TTLL5: variants seen among roughly 807,000 people sequenced by gnomAD.
The protein encoded by TTLL5 is tubulin tyrosine ligase like 5, also known as tubulin polyglutamylase TTLL5.
A neutral mutation model predicts 168.4 loss-of-function variants in TTLL5; 132 were observed. The ratio of observed to expected loss-of-function variants is 0.78; its 90% CI spans 0.68 to 0.91. TTLL5 has a LOEUF of 0.91. Among genes scored for constraint, TTLL5 ranks in the 40% least tolerant of loss-of-function variants. The pLI is 0.00. For missense variants in TTLL5, 1,545 were observed against 1,581.5 expected, an observed-to-expected ratio of 0.98 and a Z score of 0.39; for synonymous variants, 546 against 558.6, an observed-to-expected ratio of 0.98 and a Z score of 0.32.
At chr14:75,707,834 A>C (rs1308726417) in intron 9 of TTLL5, 127 bp downstream of exon 9, 2 of 797,652 alleles carry the variant, frequency 2.5e-6, no homozygotes, top group African/African-American at 3.4e-5. Context: ...CTGCTTACAG[A>C]TGCAATCCAC....
At chr14:75,877,131 T>C (rs889474301) in intron 29 of TTLL5, among the ~76,000 whole-genome samples, 1 of 152,144 alleles carries the variant, frequency 6.6e-6, no homozygotes, top group African/African-American at 2.4e-5. Flanking sequence ...CCTACTCAAA[T>C]AGAGAGTAGC....
intron 18 of TTLL5, among the ~76,000 whole-genome samples, chr14:75,758,897 AATT>A (rs1237358345): frequency 1.3e-5 from 2 of 152,186 alleles, no homozygotes; most frequent in Admixed American, 6.5e-5. Context: ...CTTTGGGGGA[AATT>A]ATAAGTTTAA....
intron 3 of TTLL5, among the ~76,000 whole-genome samples, chr14:75,670,093 ATTCC>A (rs1883614008): frequency 6.6e-6 from 1 of 152,082 alleles, no homozygotes; most frequent in African/African-American, 2.4e-5. Context: ...TCAGTCCTTT[ATTCC>A]TTTTTATAGC....
rs186293028 is a variant in TTLL5, at chr14:75,891,999, A to G, written c.3740+9097A>G. Among the ~76,000 whole-genome samples the G allele has an allele frequency of 3.3e-5, 5 of 152,344 alleles. No individual in the cohort carries two copies. In the East Asian group the frequency reaches 9.6e-4, roughly 29 times the overall value. ...CTGCTCTTGTTTCCTACTAAAAGAA[A>G]TCACATTTGTTTTGTTGGTAGGTTG... On this transcript the variant is annotated intron_variant, in intron 30 of 31. Coordinates refer to ENST00000298832, the MANE Select transcript of TTLL5 (RefSeq NM_015072.5).
intron 2 of TTLL5, among the ~76,000 whole-genome samples, chr14:75,664,339 A>G (rs1883098881): frequency 6.6e-6 from 1 of 152,168 alleles, no homozygotes; most frequent in African/African-American, 2.4e-5. Flanking sequence ...CACAGAGTAA[A>G]GAGAGAATCT....
Position 75,664,877 on chromosome 14 carries a change from T to G in TTLL5, c.74+1654T>G, listed in dbSNP as rs543664640. 1.2e-4 allele frequency among the ~76,000 whole-genome samples: 18 copies of G among 152,328 alleles called. No individual in the cohort carries two copies. In the South Asian group the frequency reaches 3.1e-3, roughly 26 times the overall value. On this transcript the variant is annotated intron_variant, in intron 2 of 31. Coordinates refer to ENST00000298832, the MANE Select transcript of TTLL5 (RefSeq NM_015072.5). Reference sequence around the variant, plus strand: ...CATTACTGTCTCTCTTATTAGTGGGTTTACAGATTGGGCCTGACAAATGTT... The same window carrying G: ...CATTACTGTCTCTCTTATTAGTGGGGTTACAGATTGGGCCTGACAAATGTT...
rs192944794 is a variant in TTLL5 at position 75,871,724 on chromosome 14, T to C, written c.3522+7862T>C. On this transcript the variant is annotated intron_variant, in intron 29 of 31. Coordinates refer to ENST00000298832, the MANE Select transcript of TTLL5 (RefSeq NM_015072.5). The stretch of plus-strand genomic sequence containing the variant: ...TATGAGGGACTCCCAGCAGTAACTT[T>C]GTGTGAGATGATGAAAGACTTCAAT... Among the ~76,000 whole-genome samples the C allele has an allele frequency of 6.5e-4, 99 of 152,302 alleles. 3 individuals carry two copies. The highest frequency in any genetic ancestry group is 6.5e-3 in the Admixed American group (99 of 15,296).
chr14:75,866,570 A>G (rs1241377052), intron 29 of TTLL5, among the ~76,000 whole-genome samples: 2 of 152,200 alleles, frequency 1.3e-5, no homozygotes, highest in Non-Finnish European at 2.9e-5. Context: ...TCACATAGTA[A>G]TCTCCTAATA....
chr14:75,898,595 T>C (rs2032780164), intron 30 of TTLL5, among the ~76,000 whole-genome samples: 1 of 152,156 alleles, frequency 6.6e-6, no homozygotes, highest in South Asian at 2.1e-4. Context: ...TGAGCTGTGA[T>C]TGTGCCACTA....
chr14:75,700,077 C>A (rs1886154672), intron 7 of TTLL5, among the ~76,000 whole-genome samples: 1 of 152,100 alleles, frequency 6.6e-6, no homozygotes. Context: ...GATTCAGTTT[C>A]TTTATTTTAT....
intron 29 of TTLL5, among the ~76,000 whole-genome samples, chr14:75,874,770 T>C (rs1224789615): frequency 6.6e-6 from 1 of 152,118 alleles, no homozygotes; most frequent in Non-Finnish European, 1.5e-5. Context: ...ACAACACTAT[T>C]CTTAAAAAGC....
At chr14:75,863,072 C>T (rs1191570384) in intron 28 of TTLL5, among the ~76,000 whole-genome samples, 1 of 152,186 alleles carries the variant, frequency 6.6e-6, no homozygotes, top group Non-Finnish European at 1.5e-5. Context: ...TACAGATTGT[C>T]AGCCTCAGTG....
Position 75,775,622 on chromosome 14 carries a change from T to A in TTLL5, c.2275T>A (p.Tyr759Asn). The change falls in exon 22 of 32, where the codon TAC becomes AAC. Residue 759 changes from tyrosine (Y) to asparagine (N), a missense_variant. Physicochemically the swap from Tyr to Asn is moderately radical, Grantham distance 143 (BLOSUM62 -2). Coordinates refer to ENST00000298832, the MANE Select transcript of TTLL5 (RefSeq NM_015072.5). Reference protein sequence around the residue: ...AHQLGDFIIVYNKETEQMAEK... With the variant: ...AHQLGDFIIVNNKETEQMAEK... Reference sequence around the variant, plus strand: ...CCAGCTGGGTGACTTTATCATTGTATACAACAAGGTAAGTCTTTTTCTGTT... The same window carrying A: ...CCAGCTGGGTGACTTTATCATTGTAAACAACAAGGTAAGTCTTTTTCTGTT... 1 of 1,614,064 alleles carries A rather than the reference T, an allele frequency of 6.2e-7. No individual in the cohort carries two copies. Among genetic ancestry groups the A allele is most frequent in the Non-Finnish European group, 8.5e-7 (1 of 1,179,938 alleles).
rs766256432 is a variant in TTLL5, at chr14:75,783,174, C to T, written c.2630C>T (p.Ala877Val). The change falls in exon 26 of 32, where the codon GCA becomes GTA. Residue 877 changes from alanine (A) to valine (V), a missense_variant. Physicochemically the swap from Ala to Val is moderately conservative, Grantham distance 64. Coordinates refer to ENST00000298832, the MANE Select transcript of TTLL5 (RefSeq NM_015072.5). ...TTTACCACTTCAGCAGAAAAAGAGG[C>T]AAAATTAGTTTATAGCAATTCCTCC... is the stretch of plus-strand genomic sequence containing the variant. The part of the protein sequence containing the change: ...SRFTTSAEKE[A>V]KLVYSNSSSG... 3 of 1,611,704 alleles carry T rather than the reference C, an allele frequency of 1.9e-6. No individual in the cohort carries two copies. The highest frequency in any genetic ancestry group is 2.2e-5 in the South Asian group (2 of 90,874).
Position 75,949,284 on chromosome 14 carries a change from G to A in TTLL5, c.3824-5140G>A, listed in dbSNP as rs1202740551. On this transcript the variant is annotated intron_variant, in intron 31 of 31. Coordinates refer to ENST00000298832, the MANE Select transcript of TTLL5 (RefSeq NM_015072.5). ...TAGGAATAAATCTAACAAAAGATAC[G>A]TAAGACCTGTGATAAAATATGTATA... Among the ~76,000 whole-genome samples the A allele has an allele frequency of 4.0e-5, 6 of 151,250 alleles. No individual in the cohort carries two copies. In the East Asian group the frequency reaches 9.7e-4, roughly 24 times the overall value.
At chr14:75,748,233 A>G (rs534175396) in intron 17 of TTLL5, among the ~76,000 whole-genome samples, 57 of 151,826 alleles carry the variant, frequency 3.8e-4, no homozygotes, top group African/African-American at 7.5e-4. Flanking sequence ...TCTCATGTAT[A>G]GAAGCAGAAT....
At chr14:75,826,119 A>G (rs1202935632) in intron 28 of TTLL5, among the ~76,000 whole-genome samples, 1 of 152,136 alleles carries the variant, frequency 6.6e-6, no homozygotes, top group East Asian at 1.9e-4. Flanking sequence ...CCTGGGGCCG[A>G]GTGTCAGGAG....
At chr14:75,710,203 C>CCT (rs1415577872) in intron 9 of TTLL5, 4 of 152,056 alleles carry the variant, frequency 2.6e-5, no homozygotes, top group Non-Finnish European at 4.4e-5. Flanking sequence ...TATTAACAGC[C>CCT]CTCTCTATGG....
In TTLL5 at chr14:75,882,838, G is replaced by C. The variant is rs903375968; in HGVS notation, c.3676G>C (p.Val1226Leu). 3 of 1,614,078 alleles carry C rather than the reference G, an allele frequency of 1.9e-6. No individual in the cohort carries two copies. The highest frequency in any genetic ancestry group is 2.5e-6 in the Non-Finnish European group (3 of 1,180,020). ...ACCTCCAAGTTCTTGCGCCTCCCTG[G>C]TTCCCAAACCCCCACCCAACCACGA... ...VPPPSSCASL[V>L]PKPPPNHEQV... is the part of the protein sequence containing the mutation. Residue 1226 changes from valine to leucine, a missense_variant, in exon 30 of 32, where the codon GTT becomes CTT. Physicochemically the swap from Val to Leu is conservative, Grantham distance 32 (BLOSUM62 1). Transcript: ENST00000298832.
Sources: allele counts gnomAD v4.1 joint callset (sites outside exome capture counted in the v4.1 genomes callset), GRCh38; gene constraint gnomAD v4.1.1; transcripts MANE v1.5; gene names NCBI Gene and HGNC (gene_info 2026-07-23, HGNC 2026-07-21).